The following XIRP2 variants were observed in gnomAD, a reference collection of about 807,000 sequenced individuals.
XIRP2 encodes the protein xin actin-binding repeat-containing protein 2.
Under a neutral mutation model 277.0 loss-of-function variants are expected in XIRP2, and 236 were observed. The observed-to-expected ratio is 0.85, with a 90% CI of 0.77 to 0.95. The LOEUF is 0.95. XIRP2 is among the 40% of genes least tolerant of loss of function. XIRP2 has a pLI of 0.00. For missense variants in XIRP2, 4,640 were observed against 4,157.5 expected (o/e 1.12, Z -3.19); for synonymous variants, 1,490 against 1,416.5 (o/e 1.05, Z -1.17).
intron 3 of XIRP2, among the ~76,000 whole-genome samples, chr2:167,195,082 G>T (rs1693461827): frequency 6.6e-6 from 1 of 152,094 alleles, no homozygotes; most frequent in Admixed American, 6.6e-5. Context: ...TGATTTAATA[G>T]GTTGTTGTGT....
chr2:167,072,728 T>G (rs1372961571), intron 2 of XIRP2, among the ~76,000 whole-genome samples: 1 of 152,150 alleles, frequency 6.6e-6, no homozygotes, highest in Non-Finnish European at 1.5e-5. Flanking sequence ...CCAATCAGTA[T>G]TTACTATGGG....
chr2:167,006,257 G>T (rs1338976596), intron 2 of XIRP2, among the ~76,000 whole-genome samples: 3 of 151,648 alleles, frequency 2.0e-5, no homozygotes, highest in Non-Finnish European at 4.4e-5. Flanking sequence ...AGCTACCAAG[G>T]ATTTTTTATC....
intron 2 of XIRP2, among the ~76,000 whole-genome samples, chr2:167,086,315 G>GGC: frequency 6.6e-6 from 1 of 152,204 alleles, no homozygotes; most frequent in East Asian, 1.9e-4. Flanking sequence ...GAGATCCGCT[G>GGC]TTAGTCTGAT....
intron 3 of XIRP2, among the ~76,000 whole-genome samples, chr2:167,190,783 C>T (rs1693306533): frequency 6.6e-6 from 1 of 152,042 alleles, no homozygotes; most frequent in Non-Finnish European, 1.5e-5. Context: ...GACAATGTGG[C>T]CATATTTAAT....
chr2:167,245,553 C>G lies in XIRP2; in HGVS notation c.4161C>G (p.Val1387=). The change falls in exon 9 of 11, where the codon GTC becomes GTG. Residue 1387 remains valine, a synonymous_variant. Transcript: ENST00000409195. Reference sequence around the variant, plus strand: ...TTCAGAAGGGAGATGTTAGTTCTGTCAGATACAGATTTGAAACTCAGCCAC... The same window carrying G: ...TTCAGAAGGGAGATGTTAGTTCTGTGAGATACAGATTTGAAACTCAGCCAC... ...EDIQKGDVSS[V]RYRFETQPLD... is the part of the protein sequence containing the mutation. 1 of 1,613,542 alleles carries G rather than the reference C, an allele frequency of 6.2e-7. No homozygotes were observed. Among genetic ancestry groups the G allele is most frequent in the South Asian group, 1.1e-5 (1 of 91,040 alleles).
intron 2 of XIRP2, among the ~76,000 whole-genome samples, chr2:166,997,622 G>C (rs1257846458): frequency 6.6e-6 from 1 of 151,912 alleles, no homozygotes; most frequent in Non-Finnish European, 1.5e-5. Context: ...AGTTGACTTG[G>C]GGGGCCTGGC....
At chr2:167,052,442 A>G (rs756064264) in intron 2 of XIRP2, among the ~76,000 whole-genome samples, 1 of 152,124 alleles carries the variant, frequency 6.6e-6, no homozygotes, top group Non-Finnish European at 1.5e-5. Flanking sequence ...GAAGACAGCT[A>G]TTATACCATT....
At chr2:167,007,703 TCACACACA>T (rs57336666) in intron 2 of XIRP2, among the ~76,000 whole-genome samples, 374 of 130,130 alleles carry the variant, frequency 2.9e-3, no homozygotes, top group African/African-American at 9.1e-3. Context: ...TCTCTCTCTC[TCACACACA>T]CACACACACA....
chr2:167,149,435 C>G (rs770001071), intron 3 of XIRP2, among the ~76,000 whole-genome samples: 1 of 151,970 alleles, frequency 6.6e-6, no homozygotes, highest in Non-Finnish European at 1.5e-5. Flanking sequence ...AGAATTATGC[C>G]CATGTAAACA....
rs1311701084 is a variant in XIRP2 at position 167,188,038 on chromosome 2, C to A, written c.563-22697C>A. On this transcript the variant is annotated intron_variant, in intron 3 of 10. Coordinates refer to ENST00000409195, the MANE Select transcript of XIRP2 (RefSeq NM_152381.6). ...GTAGTTCTTGCTCCAGCCAGAGTCT[C>A]ATCTCCTCTGGGAGTATTACTGGAA... Among the ~76,000 whole-genome samples, 4 of 152,154 alleles carry A rather than the reference C, an allele frequency of 2.6e-5. No homozygotes were observed. In the East Asian group the frequency reaches 5.8e-4, roughly 22 times the overall value.
At chr2:166,951,813 C>G (rs138304996) in intron 2 of XIRP2, among the ~76,000 whole-genome samples, 137 of 152,144 alleles carry the variant, frequency 9.0e-4, no homozygotes, top group African/African-American at 3.2e-3. Context: ...TACACTGAAA[C>G]ACTTTTCATG....
chr2:167,234,216 G>A (rs183886661), intron 5 of XIRP2, among the ~76,000 whole-genome samples: 1 of 151,290 alleles, frequency 6.6e-6, no homozygotes, highest in East Asian at 1.9e-4. Context: ...GCTCTTTCTA[G>A]CTAAATATTA....
chr2:166,949,861 C>A (rs1170959081), intron 2 of XIRP2, among the ~76,000 whole-genome samples: 4 of 151,936 alleles, frequency 2.6e-5, no homozygotes, highest in African/African-American at 4.8e-5. Context: ...TTTTTATTGA[C>A]CTTAAAACTA....
intron 3 of XIRP2, among the ~76,000 whole-genome samples, chr2:167,172,767 T>G (rs929944395): frequency 6.6e-6 from 1 of 152,230 alleles, no homozygotes; most frequent in African/African-American, 2.4e-5. Context: ...AGATTTCATA[T>G]TGTTTAAACA....
chr2:167,004,897 T>C (rs1336216190), intron 2 of XIRP2, among the ~76,000 whole-genome samples: 1 of 151,870 alleles, frequency 6.6e-6, no homozygotes, highest in Non-Finnish European at 1.5e-5. Flanking sequence ...AGTCCTAACA[T>C]TGTTTCCTTA....
rs1212309031 is a variant in XIRP2 at position 167,245,736 on chromosome 2, T to C, written c.4344T>C (p.Asn1448=). The change falls in exon 9 of 11, where the codon AAT becomes AAC. Residue 1448 remains asparagine (N), a synonymous_variant. Transcript: ENST00000409195. ...GTGTCAATGAAATACAAAAGGGCAA[T>C]GTTAAAACATCTACTTGGCTATTTG... ...TVSVNEIQKG[N]VKTSTWLFET... 6.2e-7 allele frequency: 1 copy of C among 1,613,574 alleles called. No homozygotes were observed. The highest frequency in any genetic ancestry group is 2.2e-5 in the East Asian group (1 of 44,826).
intron 2 of XIRP2, among the ~76,000 whole-genome samples, chr2:167,031,479 C>G (rs551665863): frequency 1.3e-5 from 2 of 152,082 alleles, no homozygotes; most frequent in African/African-American, 4.8e-5. Flanking sequence ...ATATGAAATT[C>G]TGGTTTGAAA....
chr2:167,255,086 G>A (rs745780079), intron 10 of XIRP2, among the ~76,000 whole-genome samples: 36 of 151,730 alleles, frequency 2.4e-4, no homozygotes, highest in African/African-American at 8.4e-4. Context: ...CTGTGTGGGG[G>A]ACTCTCTGTC....
At chr2:166,910,298 T>A (rs1474307444) in intron 2 of XIRP2, among the ~76,000 whole-genome samples, 1 of 152,232 alleles carries the variant, frequency 6.6e-6, no homozygotes, top group Admixed American at 6.5e-5. Context: ...CAGCCAGTTA[T>A]TAGTCTATTC....
Sources: allele counts gnomAD v4.1 joint callset (sites outside exome capture counted in the v4.1 genomes callset), GRCh38; gene constraint gnomAD v4.1.1; transcripts MANE v1.5; gene names NCBI Gene and HGNC (gene_info 2026-07-23, HGNC 2026-07-21).